The following GIMAP4 variants were observed in gnomAD, a reference collection of about 807,000 sequenced individuals.
GIMAP4 encodes GTPase, IMAP family member 4, also known as GTPase IMAP family member 4.
A neutral mutation model predicts 10.8 loss-of-function variants in GIMAP4; 12 were observed. That is an observed-to-expected ratio of 1.11 (90% confidence interval 0.71 to 1.81). GIMAP4 has a LOEUF of 1.81. GIMAP4 is among the 40% of genes most tolerant of loss of function. The pLI is 0.00. For missense variants in GIMAP4, 412 were observed against 404.6 expected (o/e 1.02, Z -0.16); for synonymous variants, 149 against 147.2 (o/e 1.01, Z -0.09).
chr7:150,572,367 G>A lies in GIMAP4; in HGVS notation c.297G>A (p.Thr99=). 1.9e-6 allele frequency: 3 copies of A among 1,614,112 alleles called. No homozygotes were observed. The highest frequency in any genetic ancestry group is 1.6e-4 in the Middle Eastern group (1 of 6,062). The change falls in exon 3 of 3, where the codon ACG becomes ACA. Residue 99 remains threonine, a synonymous_variant. Transcript: ENST00000255945. ...ACACAGAGGTGCCCAATGCTGAAAC[G>A]TCCAAGGAGATTATTCGCTGCATTC... The part of the protein sequence containing the change: ...IFDTEVPNAE[T]SKEIIRCILL...
chr7:150,570,080 C>G, intron 2 of GIMAP4, 121 bp downstream of exon 2: 1 of 699,866 alleles, frequency 1.4e-6, no homozygotes, highest in South Asian at 1.6e-5. Flanking sequence ...CCCATTTGAG[C>G]AGGAGAAAAA....
In GIMAP4 at chr7:150,572,726, G is replaced by A; in HGVS notation, c.656G>A (p.Gly219Asp). The change falls in exon 3 of 3, where the codon GGC becomes GAC. Residue 219 changes from glycine (G) to aspartate (D), a missense_variant. Physicochemically the swap from Gly to Asp is moderately conservative, Grantham distance 94. Transcript: ENST00000255945. ...IQRVVRENKE[G>D]CYTNRMYQRA... ...CGCGTGGTGAGGGAGAACAAGGAAGGCTGCTACACTAATAGGATGTACCAA... is the reference window on the plus strand; with the variant it reads ...CGCGTGGTGAGGGAGAACAAGGAAGACTGCTACACTAATAGGATGTACCAA... 6.2e-7 allele frequency: 1 copy of A among 1,614,188 alleles called. No homozygotes were observed. Among genetic ancestry groups the A allele is most frequent in the Non-Finnish European group, 8.5e-7 (1 of 1,180,022 alleles).
chr7:150,573,200 T>C lies in GIMAP4; in HGVS notation c.*140T>C. On this transcript the variant is annotated 3_prime_UTR_variant, in exon 3 of 3. Transcript: ENST00000255945. ...AGGACCACCATTGGCCATTGGTAGA[T>C]GTTTGATTGACTTAACAAGAGAGGG... The C allele has an allele frequency of 3.3e-6, 2 of 604,910 alleles. No individual in the cohort carries two copies. The highest frequency in any genetic ancestry group is 1.9e-5 in the African/African-American group (1 of 53,930). The allele number at this position is 604,910 out of a possible 1,614,324, so 37.5% of individuals were successfully genotyped here.
At chr7:150,568,897 ACT>A (rs1446799166) in intron 1 of GIMAP4, among the ~76,000 whole-genome samples, 5 of 151,956 alleles carry the variant, frequency 3.3e-5, no homozygotes, top group African/African-American at 1.2e-4. Flanking sequence ...GTTGGGGAAG[ACT>A]CTCTGGAGAG....
rs1795763373 is a variant in GIMAP4, at chr7:150,573,495, C to T, written c.*435C>T. 6.4e-6 allele frequency: 1 copy of T among 155,246 alleles called. No homozygotes were observed. The highest frequency in any genetic ancestry group is 1.4e-5 in the Non-Finnish European group (1 of 70,110). 9.6% of individuals were successfully genotyped at this position (155,246 alleles called of 1,614,324 possible). A position where few individuals can be genotyped will look rare whatever the true frequency, so the allele number is the denominator to read the frequency against. ...GGTTTTTGAGAAAGAAAGATCAATTCTTTGTTTGCAGTAGGTAATCTTAGA... is the reference window on the plus strand; with the variant it reads ...GGTTTTTGAGAAAGAAAGATCAATTTTTTGTTTGCAGTAGGTAATCTTAGA... On this transcript the variant is annotated 3_prime_UTR_variant, in exon 3 of 3. Coordinates refer to ENST00000255945, the MANE Select transcript of GIMAP4 (RefSeq NM_018326.3).
At position 150,573,699 on chromosome 7, in the gene GIMAP4, C is replaced by T. The variant is rs1421264746; in HGVS notation, c.*639C>T. On this transcript the variant is annotated 3_prime_UTR_variant, in exon 3 of 3. Transcript: ENST00000255945. ...CCCCAAATGCTGAAAAAGTGAAATA[C>T]AGCAATTCAACAGATAATAGAGCAA... 1 of 152,150 alleles carries T rather than the reference C, an allele frequency of 6.6e-6. No individual in the cohort carries two copies. Among genetic ancestry groups the T allele is most frequent in the East Asian group, 1.9e-4 (1 of 5,194 alleles). 9.4% of individuals were successfully genotyped at this position (152,150 alleles called of 1,614,324 possible). A position where few individuals can be genotyped will look rare whatever the true frequency, so the allele number is the denominator to read the frequency against.
rs1795737783 is a variant in GIMAP4, at chr7:150,572,197, A to G, written c.127A>G (p.Lys43Glu). The change falls in exon 3 of 3, where the codon AAA (lysine) becomes GAA (glutamate). Residue 43 changes from lysine to glutamate, a missense_variant. By Grantham distance (56) the Lys-to-Glu change is moderately conservative. Transcript: ENST00000255945. Reference sequence around the variant, plus strand: ...GTTAGTGGGTAAAACCGGAGCAGGAAAAAGTGCAACAGGAAACAGCATCCT... The same window carrying G: ...GTTAGTGGGTAAAACCGGAGCAGGAGAAAGTGCAACAGGAAACAGCATCCT... ...IVLVGKTGAG[K>E]SATGNSILGR... is the part of the protein sequence containing the mutation. The G allele has an allele frequency of 1.2e-6, 2 of 1,614,194 alleles. No homozygotes were observed. The highest frequency in any genetic ancestry group is 1.7e-6 in the Non-Finnish European group (2 of 1,179,996).
chr7:150,569,959 G>A lies in GIMAP4; in HGVS notation c.58G>A (p.Gly20Arg). The A allele has an allele frequency of 6.2e-7, 1 of 1,603,322 alleles. No individual in the cohort carries two copies. The highest frequency in any genetic ancestry group is 8.5e-7 in the Non-Finnish European group (1 of 1,171,422). ...FNPSTPGASY[G>R]PGRQEPRNSQ... ...CCCCAGCACACCAGGGGCCAGTTAT[G>A]GTGAGAGGGCATTCAGTGCTCCCCA... The change falls in exon 2 of 3, where the codon GGG becomes AGG. Residue 20 changes from glycine (G) to arginine (R), a missense_variant and splice_region_variant. Coordinates refer to ENST00000255945, the MANE Select transcript of GIMAP4 (RefSeq NM_018326.3).
At position 150,572,393 on chromosome 7, in the gene GIMAP4, T is replaced by G; in HGVS notation, c.323T>G (p.Leu108Arg). 1 of 1,614,200 alleles carries G rather than the reference T, an allele frequency of 6.2e-7. No individual in the cohort carries two copies. The highest frequency in any genetic ancestry group is 8.5e-7 in the Non-Finnish European group (1 of 1,180,018). Residue 108 changes from leucine (L) to arginine (R), a missense_variant, in exon 3 of 3, where the codon CTT (leucine) becomes CGT (arginine). Coordinates refer to ENST00000255945, the MANE Select transcript of GIMAP4 (RefSeq NM_018326.3). ...TCCAAGGAGATTATTCGCTGCATTC[T>G]TCTGACCTCCCCAGGGCCTCATGCT... is the stretch of plus-strand genomic sequence containing the variant. Reference protein sequence around the residue: ...ETSKEIIRCILLTSPGPHALL... With the variant: ...ETSKEIIRCIRLTSPGPHALL...
In GIMAP4 at chr7:150,572,953, CA is replaced by C; in HGVS notation, c.886del (p.Arg296GlyfsTer15). The C allele has an allele frequency of 6.2e-7, 1 of 1,613,630 alleles. No individual in the cohort carries two copies. The highest frequency in any genetic ancestry group is 8.5e-7 in the Non-Finnish European group (1 of 1,179,560). Reference sequence around the variant, plus strand: ...GGAGGCTCACTATGCTGTAAGGCAGCAAAGGGCAAGAACGGAAGTGGAGAGT... The same window carrying C: ...GGAGGCTCACTATGCTGTAAGGCAGCAAGGGCAAGAACGGAAGTGGAGAGT... Reference protein sequence around the residue: ...EQEAHYAVRQQRARTEVESKD... With the variant: ...EQEAHYAVRQXRARTEVESKD... On this transcript the variant is annotated frameshift_variant, in exon 3 of 3. Coordinates refer to ENST00000255945, the MANE Select transcript of GIMAP4 (RefSeq NM_018326.3). LOFTEE classifies it low-confidence loss of function (END_TRUNC).
rs367566680 is a variant in GIMAP4, at chr7:150,572,174, T to C, written c.104T>C (p.Leu35Ser). Residue 35 changes from leucine (L) to serine (S), a missense_variant, in exon 3 of 3, where the codon TTA becomes TCA. Transcript: ENST00000255945. Reference sequence around the variant, plus strand: ...AGAAATTCCCAATTGAGAATTGTGTTAGTGGGTAAAACCGGAGCAGGAAAA... The same window carrying C: ...AGAAATTCCCAATTGAGAATTGTGTCAGTGGGTAAAACCGGAGCAGGAAAA... The part of the protein sequence containing the change: ...EPRNSQLRIV[L>S]VGKTGAGKSA... 301 of 1,613,980 alleles carry C rather than the reference T, an allele frequency of 1.9e-4. No homozygotes were observed. Among genetic ancestry groups the C allele is most frequent in the Non-Finnish European group, 2.4e-4 (284 of 1,179,874 alleles).
Position 150,572,577 on chromosome 7 carries a change from G to A in GIMAP4, c.507G>A (p.Arg169=), listed in dbSNP as rs370312045. Residue 169 remains arginine (R), a synonymous_variant, in exon 3 of 3, where the codon AGG becomes AGA. Coordinates refer to ENST00000255945, the MANE Select transcript of GIMAP4 (RefSeq NM_018326.3). ...ACACCAATTTGCATGACTACTTAAG[G>A]GAAGCTCCAGAAGACATTCAAGACT... ...LGDTNLHDYL[R]EAPEDIQDLM... 3.2e-5 allele frequency: 51 copies of A among 1,613,934 alleles called. No homozygotes were observed. The highest frequency in any genetic ancestry group is 2.5e-5 in the Non-Finnish European group (30 of 1,179,940).
chr7:150,568,912 G>C (rs925445699), intron 1 of GIMAP4, among the ~76,000 whole-genome samples: 1 of 152,204 alleles, frequency 6.6e-6, no homozygotes, highest in African/African-American at 2.4e-5. Flanking sequence ...CTGGAGAGCC[G>C]AGGCCTGCGG....
Position 150,569,946 on chromosome 7 carries a change from A to C in GIMAP4, c.45A>C (p.Pro15=). The C allele has an allele frequency of 7.0e-7, 1 of 1,438,562 alleles. No homozygotes were observed. The highest frequency in any genetic ancestry group is 9.3e-7 in the Non-Finnish European group (1 of 1,075,000). 89.1% of individuals were successfully genotyped at this position (1,438,562 alleles called of 1,614,324 possible). ...YGSMSFNPST[P]GASYGPGRQE... Reference sequence around the variant, plus strand: ...GTATGAGCTTCAACCCCAGCACACCAGGGGCCAGTTATGGTGAGAGGGCAT... The same window carrying C: ...GTATGAGCTTCAACCCCAGCACACCCGGGGCCAGTTATGGTGAGAGGGCAT... The change falls in exon 2 of 3, where the codon CCA becomes CCC. Residue 15 remains proline, a synonymous_variant. Coordinates refer to ENST00000255945, the MANE Select transcript of GIMAP4 (RefSeq NM_018326.3).
rs764186355 is a variant in GIMAP4, at chr7:150,572,228, G to A, written c.158G>A (p.Arg53Gln). 21 of 1,613,810 alleles carry A rather than the reference G, an allele frequency of 1.3e-5. No homozygotes were observed. The East Asian group carries it at 2.5e-4, about 19-fold the overall frequency. Residue 53 changes from arginine to glutamine, a missense_variant, in exon 3 of 3, where the codon CGG (arginine) becomes CAG (glutamine). Physicochemically the swap from Arg to Gln is conservative, Grantham distance 43. Transcript: ENST00000255945. ...KSATGNSILGRKVFHSGTAAK... is the reference protein window; with the variant it reads ...KSATGNSILGQKVFHSGTAAK... ...GCAACAGGAAACAGCATCCTTGGCC[G>A]GAAAGTGTTTCATTCTGGCACTGCA...
intron 2 of GIMAP4, 63 bp downstream of exon 2, chr7:150,570,022 G>GGGGT: frequency 1.9e-6 from 1 of 513,674 alleles, no homozygotes; most frequent in Non-Finnish European, 3.8e-6. Flanking sequence ...GGGGGTGGGG[G>GGGGT]ATTTGGGGGG....
chr7:150,571,334 T>C (rs752387519), intron 2 of GIMAP4, among the ~76,000 whole-genome samples: 1 of 152,192 alleles, frequency 6.6e-6, no homozygotes, highest in Non-Finnish European at 1.5e-5. Context: ...GAAGGTGTAT[T>C]TTAAGAATAA....
Position 150,572,859 on chromosome 7 carries a change from C to A in GIMAP4, c.789C>A (p.Ile263=). 6.2e-7 allele frequency: 1 copy of A among 1,613,542 alleles called. No homozygotes were observed. Among genetic ancestry groups the A allele is most frequent in the Non-Finnish European group, 8.5e-7 (1 of 1,179,786 alleles). Residue 263 remains isoleucine (I), a synonymous_variant, in exon 3 of 3, where the codon ATC becomes ATA. Transcript: ENST00000255945. ...ARIREEYEEK[I]RKLEDKVEQE... ...TAAGAGAGGAGTATGAAGAGAAAAT[C>A]AGAAAGCTGGAAGATAAAGTGGAGC...
chr7:150,572,132 C>A lies in GIMAP4; in HGVS notation c.62C>A (p.Pro21His). 1 of 1,606,844 alleles carries A rather than the reference C, an allele frequency of 6.2e-7. No homozygotes were observed. Among genetic ancestry groups the A allele is most frequent in the Non-Finnish European group, 8.5e-7 (1 of 1,174,268 alleles). The change falls in exon 3 of 3, where the codon CCT becomes CAT. Residue 21 changes from proline to histidine, a missense_variant. By Grantham distance (77) the Pro-to-His change is moderately conservative. Coordinates refer to ENST00000255945, the MANE Select transcript of GIMAP4 (RefSeq NM_018326.3). ...TTTTTTTTTCTTGATGTCCCAGGGC[C>A]TGGAAGGCAAGAGCCCAGAAATTCC... ...NPSTPGASYG[P>H]GRQEPRNSQL... is the part of the protein sequence containing the mutation.
Sources: gnomAD v4.1 joint callset for allele counts (sites outside exome capture counted in the v4.1 genomes callset) on GRCh38, gnomAD v4.1.1 for gene constraint, MANE v1.5 for transcripts, NCBI Gene and HGNC (gene_info 2026-07-23, HGNC 2026-07-21) for gene names.